LRCH3: variants seen among roughly 807,000 people sequenced by gnomAD.
LRCH3 encodes the protein DISP complex protein LRCH3.
Under a neutral mutation model 104.5 loss-of-function variants are expected in LRCH3, and 68 were observed. The ratio of observed to expected loss-of-function variants is 0.65; its 90% CI spans 0.54 to 0.80. The LOEUF is 0.80. LRCH3 is among the 30% of genes least tolerant of loss of function. The probability of loss-of-function intolerance (pLI) is 0.00; values close to 1 mark genes in which losing one functional copy is unlikely to be tolerated. For synonymous variants in LRCH3, 344 were observed against 361.3 expected (o/e 0.95, Z 0.54); for missense variants, 951 against 953.9 (o/e 1.00, Z 0.04).
At chr3:197,837,010 C>G (rs933747567) in intron 9 of LRCH3, among the ~76,000 whole-genome samples, 2 of 152,004 alleles carry the variant, frequency 1.3e-5, no homozygotes, top group African/African-American at 2.4e-5. Flanking sequence ...AAAAAAGGGC[C>G]TTGGTTTTTC....
chr3:197,859,125 A>T (rs1337393376), intron 15 of LRCH3: 5 of 522,938 alleles, frequency 9.6e-6, no homozygotes, highest in Non-Finnish European at 1.7e-5. Context: ...TCGTATTCAG[A>T]TTGTTTGATG....
At chr3:197,828,070 C>T (rs1326880527) in intron 5 of LRCH3, among the ~76,000 whole-genome samples, 5 of 78,552 alleles carry the variant, frequency 6.4e-5, no homozygotes, top group African/African-American at 1.7e-4. Flanking sequence ...GGGTGAGACT[C>T]CGTCTCAAAA....
At chr3:197,845,209 G>C (rs941717879) in intron 10 of LRCH3, among the ~76,000 whole-genome samples, 1 of 152,040 alleles carries the variant, frequency 6.6e-6, no homozygotes, top group African/African-American at 2.4e-5. Flanking sequence ...AGGAGTTCAA[G>C]ACCAGCCTGG....
chr3:197,798,936 C>T (rs1731571534), intron 1 of LRCH3, among the ~76,000 whole-genome samples: 2 of 152,202 alleles, frequency 1.3e-5, no homozygotes, highest in African/African-American at 2.4e-5. Context: ...CCAACCTCCT[C>T]TCTGTCATAC....
intron 3 of LRCH3, among the ~76,000 whole-genome samples, chr3:197,818,037 A>G (rs970348150): frequency 2.6e-5 from 4 of 152,046 alleles, no homozygotes; most frequent in East Asian, 1.9e-4. Context: ...TAGCCAGGAT[A>G]GTCTTGATCT....
chr3:197,882,534 A>G, intron 20 of LRCH3: 1 of 945,554 alleles, frequency 1.1e-6, no homozygotes, highest in Non-Finnish European at 1.3e-6. Flanking sequence ...AAAAACAAAA[A>G]ACAAAAAAAC....
At chr3:197,862,761 A>G (rs73892155) in intron 15 of LRCH3, among the ~76,000 whole-genome samples, 6,036 of 152,196 alleles carry the variant, frequency 0.04, 369 homozygotes, top group African/African-American at 0.13. Context: ...TAAATTTCTT[A>G]TTTAAATTTC....
rs1215780926 is a variant in LRCH3, at chr3:197,887,818, C to G, written c.*4152C>G. 1 of 154,808 alleles carries G rather than the reference C, an allele frequency of 6.5e-6. No individual in the cohort carries two copies. Among genetic ancestry groups the G allele is most frequent in the African/African-American group, 2.4e-5 (1 of 41,416 alleles). The allele number at this position is 154,808 out of a possible 1,614,324, so 9.6% of individuals were successfully genotyped here. A position where few individuals can be genotyped will look rare whatever the true frequency, so the allele number is the denominator to read the frequency against. ...CCCCCTAGCAGAGCCCTTCCCATCACTGACAGTGTCGGGTTGAGAGCCACC... is the reference window on the plus strand; with the variant it reads ...CCCCCTAGCAGAGCCCTTCCCATCAGTGACAGTGTCGGGTTGAGAGCCACC... On this transcript the variant is annotated 3_prime_UTR_variant, in exon 21 of 21. Transcript: ENST00000425562.
Position 197,847,853 on chromosome 3 carries a change from A to C in LRCH3, c.1381-19A>C, listed in dbSNP as rs767419598. The C allele has an allele frequency of 6.2e-6, 10 of 1,612,940 alleles. No individual in the cohort carries two copies. The Admixed American group carries it at 1.7e-4, about 27-fold the overall frequency. On this transcript the variant is annotated intron_variant, in intron 11 of 20. Coordinates refer to ENST00000425562, the MANE Select transcript of LRCH3 (RefSeq NM_001365715.1). ...TCCTCATTTTTACTTTTGTATGCACAATAACGCTTTGGTTCCAGCTGTCAC... is the reference window on the plus strand; with the variant it reads ...TCCTCATTTTTACTTTTGTATGCACCATAACGCTTTGGTTCCAGCTGTCAC...
chr3:197,858,438 T>C (rs904807001), intron 14 of LRCH3, among the ~76,000 whole-genome samples: 4 of 152,080 alleles, frequency 2.6e-5, no homozygotes. Context: ...TGGATTAATG[T>C]TGAAAAGATA....
chr3:197,830,622 T>C (rs752327320), intron 6 of LRCH3, 148 bp from the exon 7 acceptor site: 3 of 601,492 alleles, frequency 5.0e-6, no homozygotes, highest in Non-Finnish European at 5.9e-6. Context: ...CTATTTGGAA[T>C]TTTTCATATT....
At chr3:197,846,699 A>G (rs1374315125) in intron 10 of LRCH3, among the ~76,000 whole-genome samples, 1 of 152,200 alleles carries the variant, frequency 6.6e-6, no homozygotes, top group East Asian at 1.9e-4. Flanking sequence ...TAGGCTAATC[A>G]TCATAGTTTT....
chr3:197,844,692 A>C (rs1738349225), intron 10 of LRCH3, among the ~76,000 whole-genome samples: 1 of 151,412 alleles, frequency 6.6e-6, no homozygotes, highest in South Asian at 2.1e-4. Flanking sequence ...ATCTTGACTC[A>C]CTGCAACCTC....
intron 17 of LRCH3, among the ~76,000 whole-genome samples, chr3:197,868,573 A>G (rs529486975): frequency 6.6e-6 from 1 of 152,352 alleles, no homozygotes; most frequent in South Asian, 2.1e-4. Context: ...AGCATTATTC[A>G]TAATAGCCTG....
intron 19 of LRCH3, among the ~76,000 whole-genome samples, chr3:197,873,469 G>T (rs551516210): frequency 1.3e-3 from 193 of 152,146 alleles, no homozygotes; most frequent in Non-Finnish European, 2.0e-3. Flanking sequence ...GTTCACACTT[G>T]TGAGCTCCCT....
rs773924936 is a variant in LRCH3, at chr3:197,791,552, G to A, written c.262+12G>A. On this transcript the variant is annotated intron_variant, in intron 1 of 20. Transcript: ENST00000425562. ...CACCACCCGGGCGGGTGAGCGGGGCGGGGGGCGTCTCTGCCCGTCGGAGAC... is the reference window on the plus strand; with the variant it reads ...CACCACCCGGGCGGGTGAGCGGGGCAGGGGGCGTCTCTGCCCGTCGGAGAC... 2 of 1,545,726 alleles carry A rather than the reference G, an allele frequency of 1.3e-6. No homozygotes were observed. Among genetic ancestry groups the A allele is most frequent in the East Asian group, 2.5e-5 (1 of 39,774 alleles).
intron 13 of LRCH3, among the ~76,000 whole-genome samples, chr3:197,853,445 C>T (rs1739893001): frequency 6.6e-6 from 1 of 152,162 alleles, no homozygotes; most frequent in Non-Finnish European, 1.5e-5. Context: ...GCCTCGGCCT[C>T]CCAAACTGCT....
chr3:197,807,650 C>G (rs1732661355), intron 1 of LRCH3, among the ~76,000 whole-genome samples: 1 of 151,924 alleles, frequency 6.6e-6, no homozygotes. Flanking sequence ...TTGTTGTTTC[C>G]TTTGTTTTCC....
rs1369328221 is a variant in LRCH3 at position 197,886,916 on chromosome 3, T to C, written c.*3250T>C. 6.6e-6 allele frequency: 1 copy of C among 151,944 alleles called. No individual in the cohort carries two copies. The highest frequency in any genetic ancestry group is 2.4e-5 in the African/African-American group (1 of 41,382). 9.4% of individuals were successfully genotyped at this position (151,944 alleles called of 1,614,324 possible). Reference sequence around the variant, plus strand: ...GCAACATTTGCAACTAATTTTCCCATAGGGATAAATGGAAATTTCAACTTA... The same window carrying C: ...GCAACATTTGCAACTAATTTTCCCACAGGGATAAATGGAAATTTCAACTTA... On this transcript the variant is annotated 3_prime_UTR_variant, in exon 21 of 21. Transcript: ENST00000425562.
Sources: gnomAD v4.1 joint callset for allele counts (sites outside exome capture counted in the v4.1 genomes callset) on GRCh38, gnomAD v4.1.1 for gene constraint, MANE v1.5 for transcripts, NCBI Gene and HGNC (gene_info 2026-07-23, HGNC 2026-07-21) for gene names.